Variants in ACOXL observed in about 807,000 individuals in gnomAD.
The protein encoded by ACOXL is acyl-coenzyme A oxidase-like protein.
A neutral mutation model predicts 71.9 loss-of-function variants in ACOXL; 70 were observed. The observed-to-expected ratio is 0.97, with a 90% CI of 0.80 to 1.19. The LOEUF is 1.19. Among genes scored for constraint, ACOXL ranks in the 50% most tolerant of loss-of-function variants. ACOXL has a pLI of 0.00. For synonymous variants in ACOXL, 253 were observed against 281.6 expected (o/e 0.90, Z 1.02); for missense variants, 703 against 736.3 (o/e 0.95, Z 0.52).
chr2:110,879,343 A>G (rs1235361805), intron 10 of ACOXL, among the ~76,000 whole-genome samples: 1 of 152,186 alleles, frequency 6.6e-6, no homozygotes, highest in Non-Finnish European at 1.5e-5. Context: ...AGCTCAAGGC[A>G]GATGTCCGTG....
intron 1 of ACOXL, among the ~76,000 whole-genome samples, chr2:110,737,903 A>G (rs1413771620): frequency 6.6e-6 from 1 of 152,252 alleles, no homozygotes; most frequent in Non-Finnish European, 1.5e-5. Flanking sequence ...AGAGGACCAC[A>G]GATTCATTAA....
chr2:111,093,397 A>C (rs948916566), intron 17 of ACOXL: 1 of 1,572,878 alleles, frequency 6.4e-7, no homozygotes, highest in Admixed American at 1.7e-5. Flanking sequence ...TGAGGCCAGT[A>C]TTCACCACGA....
intron 1 of ACOXL, among the ~76,000 whole-genome samples, chr2:110,740,123 A>AT (rs763084734): frequency 6.6e-6 from 1 of 152,216 alleles, no homozygotes; most frequent in Non-Finnish European, 1.5e-5. Context: ...ATCTTAAACA[A>AT]TGCTGCAGGG....
intron 9 of ACOXL, among the ~76,000 whole-genome samples, chr2:110,828,678 A>G (rs1689452943): frequency 6.6e-6 from 1 of 152,252 alleles, no homozygotes; most frequent in Admixed American, 6.5e-5. Flanking sequence ...TCCCCAAGTT[A>G]GACCTGGGAA....
At chr2:110,990,328 A>AT (rs1476432520) in intron 13 of ACOXL, among the ~76,000 whole-genome samples, 5 of 152,110 alleles carry the variant, frequency 3.3e-5, no homozygotes, top group Non-Finnish European at 7.4e-5. Flanking sequence ...TTAAATTATG[A>AT]TTTTTGTAGT....
At chr2:110,744,024 C>T (rs187618903) in intron 1 of ACOXL, among the ~76,000 whole-genome samples, 1,903 of 152,274 alleles carry the variant, frequency 0.012, 23 homozygotes, top group Non-Finnish European at 0.017. Context: ...GACCCTGCAC[C>T]CTGCAGCAGA....
rs1000270732 is a variant in ACOXL, at chr2:110,798,909, G to T, written c.461-105G>T. On this transcript the variant is annotated intron_variant, in intron 6 of 17. Coordinates refer to ENST00000439055, the MANE Select transcript of ACOXL (RefSeq NM_001142807.4). ...ATGCTCTCATGCTTGGTGCACAGTT[G>T]TAGAACTGAATGAGTTTGAGGATCA... The T allele has an allele frequency of 3.9e-6, 5 of 1,291,520 alleles. No individual in the cohort carries two copies. In the African/African-American group the frequency reaches 5.8e-5, roughly 15 times the overall value. 80.0% of individuals were successfully genotyped at this position (1,291,520 alleles called of 1,614,324 possible).
At chr2:111,098,852 C>T (rs185750999) in intron 17 of ACOXL, 17 of 152,306 alleles carry the variant, frequency 1.1e-4, no homozygotes, top group African/African-American at 3.8e-4. Context: ...ACACCCAGGA[C>T]TTATACCGAC....
At chr2:110,762,948 C>A (rs189482075) in intron 1 of ACOXL, among the ~76,000 whole-genome samples, 16 of 152,290 alleles carry the variant, frequency 1.1e-4, no homozygotes, top group Admixed American at 9.8e-4. Context: ...TGACCCACTG[C>A]CCCTGGCCAA....
At chr2:110,982,312 C>G (rs1232996170) in intron 12 of ACOXL, among the ~76,000 whole-genome samples, 1 of 152,154 alleles carries the variant, frequency 6.6e-6, no homozygotes, top group Non-Finnish European at 1.5e-5. Flanking sequence ...TTGTTGGTTT[C>G]TGTGCTAAAG....
intron 17 of ACOXL, chr2:111,099,937 T>G (rs1215889111): frequency 5.3e-5 from 8 of 152,234 alleles, no homozygotes; most frequent in African/African-American, 1.9e-4. Flanking sequence ...AGTGGAGAAT[T>G]TTAATGCAAA....
chr2:111,072,902 T>C (rs1231998567), intron 16 of ACOXL, among the ~76,000 whole-genome samples: 1 of 152,232 alleles, frequency 6.6e-6, no homozygotes, highest in Non-Finnish European at 1.5e-5. Context: ...ATCCAGTTAC[T>C]CAGCATCCTA....
At chr2:110,879,884 C>G (rs1696403358) in intron 10 of ACOXL, among the ~76,000 whole-genome samples, 1 of 152,044 alleles carries the variant, frequency 6.6e-6, no homozygotes, top group Non-Finnish European at 1.5e-5. Flanking sequence ...GTGGGTCATG[C>G]CTGTAACCCC....
chr2:111,107,321 C>G (rs2069613784), intron 17 of ACOXL, among the ~76,000 whole-genome samples: 2 of 152,184 alleles, frequency 1.3e-5, no homozygotes, highest in African/African-American at 4.8e-5. Context: ...CCTAGATAGC[C>G]TGATTTCTCT....
At chr2:111,078,340 C>T (rs535498053) in intron 16 of ACOXL, among the ~76,000 whole-genome samples, 5 of 152,314 alleles carry the variant, frequency 3.3e-5, no homozygotes, top group African/African-American at 1.2e-4. Context: ...TGTCAGCTCA[C>T]TGCAACCTCT....
At chr2:110,785,775 G>T (rs892356308) in intron 3 of ACOXL, among the ~76,000 whole-genome samples, 6 of 151,976 alleles carry the variant, frequency 3.9e-5, no homozygotes, top group East Asian at 1.9e-4. Context: ...CTTCCCTTAG[G>T]TATTCAACTA....
At chr2:110,963,961 G>T (rs1303582077) in intron 12 of ACOXL, among the ~76,000 whole-genome samples, 1 of 152,124 alleles carries the variant, frequency 6.6e-6, no homozygotes, top group Non-Finnish European at 1.5e-5. Flanking sequence ...ACTAGGAAGG[G>T]TATTTTGAAA....
chr2:110,836,159 G>A (rs994457295), intron 9 of ACOXL, among the ~76,000 whole-genome samples: 1 of 152,364 alleles, frequency 6.6e-6, no homozygotes, highest in Admixed American at 6.5e-5. Context: ...CATGGAATCA[G>A]TAAGATCTGG....
intron 1 of ACOXL, among the ~76,000 whole-genome samples, chr2:110,754,903 C>CT (rs1362464980): frequency 6.6e-6 from 1 of 152,310 alleles, no homozygotes; most frequent in East Asian, 1.9e-4. Flanking sequence ...AACAAACTGT[C>CT]AAACTTTTCT....
Sources: gnomAD v4.1 joint callset for allele counts (sites outside exome capture counted in the v4.1 genomes callset) on GRCh38, gnomAD v4.1.1 for gene constraint, MANE v1.5 for transcripts, NCBI Gene and HGNC (gene_info 2026-07-23, HGNC 2026-07-21) for gene names.